MACROD2: variants seen among roughly 807,000 people sequenced by gnomAD.
The protein encoded by MACROD2 is mono-ADP ribosylhydrolase 2.
MACROD2 carries 36 observed loss-of-function variants against 70.4 expected under a neutral mutation model. That is an observed-to-expected ratio of 0.51 (90% CI 0.39 to 0.68). The LOEUF (loss-of-function observed/expected upper bound fraction) is 0.68, where lower values mean the gene tolerates loss of function less well. MACROD2 is among the 30% of genes least tolerant of loss of function. The probability of loss-of-function intolerance (pLI) is 0.00; values close to 1 mark genes in which losing one functional copy is unlikely to be tolerated. For synonymous variants in MACROD2, 172 were observed against 178.8 expected (o/e 0.96, Z 0.30); for missense variants, 496 against 538.4 (o/e 0.92, Z 0.78).
intron 3 of MACROD2, among the ~76,000 whole-genome samples, chr20:14,315,743 A>G (rs893464131): frequency 2.0e-5 from 3 of 152,186 alleles, no homozygotes; most frequent in Admixed American, 6.5e-5. Context: ...TCAACTACAA[A>G]CTTAAAAAAT....
At chr20:15,777,930 C>T (rs914113255) in intron 8 of MACROD2, among the ~76,000 whole-genome samples, 1 of 152,070 alleles carries the variant, frequency 6.6e-6, no homozygotes, top group Non-Finnish European at 1.5e-5. Context: ...GGATTATAGG[C>T]GTGAGCCACT....
chr20:15,669,014 G>T (rs1434561115), intron 8 of MACROD2, among the ~76,000 whole-genome samples: 1 of 152,094 alleles, frequency 6.6e-6, no homozygotes, highest in Non-Finnish European at 1.5e-5. Flanking sequence ...CCCAAGAACA[G>T]GAAAGAAATT....
chr20:15,786,691 G>A (rs73244100), intron 8 of MACROD2, among the ~76,000 whole-genome samples: 3,619 of 152,280 alleles, frequency 0.024, 79 homozygotes, highest in East Asian at 0.084. Context: ...ACAAGGCTGT[G>A]AAGTTCAGCC....
At chr20:15,071,149 G>A (rs1200677605) in intron 5 of MACROD2, among the ~76,000 whole-genome samples, 2 of 152,108 alleles carry the variant, frequency 1.3e-5, no homozygotes, top group South Asian at 2.1e-4. Flanking sequence ...TGGAAGTTTT[G>A]TACAGTTGTT....
intron 3 of MACROD2, among the ~76,000 whole-genome samples, chr20:14,460,296 G>A (rs933872056): frequency 1.3e-5 from 2 of 152,016 alleles, no homozygotes; most frequent in African/African-American, 2.4e-5. Context: ...TTGAGGAATC[G>A]CCACACTGTC....
At chr20:15,048,100 G>A (rs139651599) in intron 5 of MACROD2, among the ~76,000 whole-genome samples, 1,554 of 113,840 alleles carry the variant, frequency 0.014, 28 homozygotes, top group African/African-American at 0.044. Context: ...CCTGTCTCTA[G>A]TAAATAAATA....
chr20:15,384,452 C>T (rs565102286), intron 6 of MACROD2, among the ~76,000 whole-genome samples: 5 of 152,090 alleles, frequency 3.3e-5, no homozygotes, highest in East Asian at 1.9e-4. Flanking sequence ...TTAGTAGAGT[C>T]GGGGTCTCAC....
At chr20:15,930,273 GACTT>G (rs1395926727) in intron 10 of MACROD2, among the ~76,000 whole-genome samples, 1 of 152,112 alleles carries the variant, frequency 6.6e-6, no homozygotes, top group Non-Finnish European at 1.5e-5. Context: ...CCTTATCAAA[GACTT>G]ACGGGTAACT....
chr20:14,785,425 C>T (rs1051703213), intron 5 of MACROD2, among the ~76,000 whole-genome samples: 2 of 151,996 alleles, frequency 1.3e-5, no homozygotes, highest in Admixed American at 6.6e-5. Flanking sequence ...AAAAATGTTC[C>T]CATTGTGTTT....
intron 5 of MACROD2, among the ~76,000 whole-genome samples, chr20:14,812,508 A>G (rs1013321342): frequency 2.6e-5 from 4 of 152,156 alleles, no homozygotes; most frequent in Middle Eastern, 3.4e-3. Context: ...ACCATGGGAC[A>G]TGTATACCTA....
intron 8 of MACROD2, among the ~76,000 whole-genome samples, chr20:15,840,376 A>G (rs2064157362): frequency 6.6e-6 from 1 of 152,176 alleles, no homozygotes. Flanking sequence ...CGGGGACAAC[A>G]TGTGTGGTTG....
intron 3 of MACROD2, among the ~76,000 whole-genome samples, chr20:14,250,598 G>T (rs1482081992): frequency 6.6e-6 from 1 of 152,038 alleles, no homozygotes; most frequent in Non-Finnish European, 1.5e-5. Context: ...CTTGATTGGG[G>T]AATTGTAGAT....
chr20:15,221,598 A>T (rs2076861981), intron 5 of MACROD2, among the ~76,000 whole-genome samples: 1 of 152,246 alleles, frequency 6.6e-6, no homozygotes, highest in Non-Finnish European at 1.5e-5. Context: ...TTGAAACAGG[A>T]TACAGTCCCA....
At chr20:15,871,124 C>T (rs893587729) in intron 9 of MACROD2, among the ~76,000 whole-genome samples, 6 of 137,774 alleles carry the variant, frequency 4.4e-5, no homozygotes, top group Middle Eastern at 4.7e-3. Flanking sequence ...TGCAGTGAGC[C>T]GAGATCACAC....
rs112133206 is a variant in MACROD2, at chr20:14,658,362, T to C, written c.302-26481T>C. On this transcript the variant is annotated intron_variant, in intron 4 of 17. Coordinates refer to ENST00000684519, the MANE Select transcript of MACROD2 (RefSeq NM_001351661.2). ...ATCTCAGAAACTTAAATTATCTTAA[T>C]ACTTTCTGGAGTAAGACCAGGAATG... 2.5e-3 allele frequency among the ~76,000 whole-genome samples: 387 copies of C among 152,052 alleles called. 1 individual carries two copies. Among genetic ancestry groups the C allele is most frequent in the African/African-American group, 8.8e-3 (363 of 41,314 alleles).
chr20:14,513,781 A>G (rs2085056179), intron 4 of MACROD2, among the ~76,000 whole-genome samples: 1 of 152,100 alleles, frequency 6.6e-6, no homozygotes, highest in South Asian at 2.1e-4. Flanking sequence ...GATTGATTAT[A>G]TATTGTGCAT....
chr20:15,191,852 A>G (rs530707572), intron 5 of MACROD2, among the ~76,000 whole-genome samples: 2 of 152,098 alleles, frequency 1.3e-5, no homozygotes, highest in Non-Finnish European at 2.9e-5. Flanking sequence ...TGCCTGATTC[A>G]TGAAGCATTT....
At chr20:14,520,911 A>G (rs1723794334) in intron 4 of MACROD2, among the ~76,000 whole-genome samples, 1 of 151,858 alleles carries the variant, frequency 6.6e-6, no homozygotes, top group African/African-American at 2.4e-5. Flanking sequence ...AGCACTAGAT[A>G]CACACAGACA....
At chr20:14,240,187 AAC>A (rs2081916370) in intron 3 of MACROD2, among the ~76,000 whole-genome samples, 1 of 152,184 alleles carries the variant, frequency 6.6e-6, no homozygotes, top group South Asian at 2.1e-4. Flanking sequence ...TCAAAAAAAT[AAC>A]ACATGCTGGC....
Sources: allele counts gnomAD v4.1 joint callset (sites outside exome capture counted in the v4.1 genomes callset), GRCh38; gene constraint gnomAD v4.1.1; transcripts MANE v1.5; gene names NCBI Gene and HGNC (gene_info 2026-07-23, HGNC 2026-07-21).